The following KIF1B variants were observed in gnomAD, a reference collection of about 807,000 sequenced individuals.
KIF1B encodes the protein kinesin family member 1B, also known as kinesin-like protein KIF1B.
In KIF1B, 76 loss-of-function variants were observed where a neutral mutation model predicts 241.9. That is an observed-to-expected ratio of 0.31 (90% CI 0.26 to 0.38). The LOEUF is 0.38. Ranked by LOEUF, KIF1B falls within the 10% of genes least tolerant of loss-of-function variation. KIF1B has a pLI of 1.00. For missense variants in KIF1B, 1,622 were observed against 2,271.4 expected, an observed-to-expected ratio of 0.71 and a Z score of 5.81; for synonymous variants, 750 against 796.7, an observed-to-expected ratio of 0.94 and a Z score of 0.99.
chr1:10,314,631 A>G (rs1651223672), intron 22 of KIF1B, among the ~76,000 whole-genome samples: 1 of 151,164 alleles, frequency 6.6e-6, no homozygotes, highest in African/African-American at 2.5e-5. Context: ...TGTTGCCCGG[A>G]CTGGTCTCAA....
chr1:10,346,235 A>G (rs1324348935), intron 35 of KIF1B, among the ~76,000 whole-genome samples: 6 of 151,872 alleles, frequency 4.0e-5, no homozygotes, highest in Non-Finnish European at 7.4e-5. Flanking sequence ...TTTTGAATTG[A>G]TTTTTGGTGG....
chr1:10,251,207 T>C (rs1212483147), intron 2 of KIF1B, among the ~76,000 whole-genome samples: 1 of 151,900 alleles, frequency 6.6e-6, no homozygotes, highest in Non-Finnish European at 1.5e-5. Context: ...GTTTTGAAGA[T>C]ATAAGTTAGG....
chr1:10,304,452 A>G, intron 22 of KIF1B: 10 of 1,611,476 alleles, frequency 6.2e-6, no homozygotes, highest in Non-Finnish European at 8.5e-6. Flanking sequence ...CTTTCCAGGC[A>G]AAGCGCCATA....
chr1:10,300,497 A>G (rs189618866), intron 22 of KIF1B, among the ~76,000 whole-genome samples: 65 of 152,098 alleles, frequency 4.3e-4, no homozygotes, highest in Non-Finnish European at 6.9e-4. Context: ...AGACTTATTT[A>G]TATTTTATTT....
intron 38 of KIF1B, among the ~76,000 whole-genome samples, chr1:10,358,951 A>G (rs971856055): frequency 3.3e-5 from 5 of 152,084 alleles, no homozygotes; most frequent in Non-Finnish European, 7.4e-5. Flanking sequence ...TTGTTTCTCT[A>G]TCTTCTGTGT....
rs761886559 is a variant in KIF1B at position 10,261,952 on chromosome 1, A to C, written c.411A>C (p.Glu137Asp). The C allele has an allele frequency of 2.5e-6, 4 of 1,611,152 alleles. No individual in the cohort carries two copies. The South Asian group carries it at 3.3e-5, about 13-fold the overall frequency. Residue 137 changes from glutamate to aspartate, a missense_variant, in exon 5 of 49, where the codon GAA becomes GAC. This residue lies in a region of KIF1B where 156 missense variants were observed against 244.8 expected (regional missense o/e 0.64). Transcript: ENST00000676179. Reference sequence around the variant, plus strand: ...AAATCAATGACAACTGTAATGAAGAAATGTCTTACTCTGTAGAGGTGAGTA... The same window carrying C: ...AAATCAATGACAACTGTAATGAAGACATGTCTTACTCTGTAGAGGTGAGTA... ...FEKINDNCNE[E>D]MSYSVEVSYM... is the part of the protein sequence containing the mutation.
chr1:10,321,644 A>G, intron 23 of KIF1B, 65 bp from the exon 24 acceptor site: 1 of 1,518,288 alleles, frequency 6.6e-7, no homozygotes, highest in South Asian at 1.1e-5. Context: ...GATAAGCTAG[A>G]AGAGAGGTGT....
At chr1:10,279,787 CTT>C (rs1649316044) in intron 14 of KIF1B, among the ~76,000 whole-genome samples, 1 of 135,522 alleles carries the variant, frequency 7.4e-6, no homozygotes, top group Non-Finnish European at 1.5e-5. Flanking sequence ...ACCTTGAACT[CTT>C]GGGCTCAAGT....
At chr1:10,214,145 T>G in intron 1 of KIF1B, among the ~76,000 whole-genome samples, 1 of 152,156 alleles carries the variant, frequency 6.6e-6, no homozygotes, top group Non-Finnish European at 1.5e-5. Flanking sequence ...TGCCTTGGAC[T>G]TCTCAGAGTT....
At chr1:10,312,601 A>G (rs543569760) in intron 22 of KIF1B, among the ~76,000 whole-genome samples, 1 of 151,336 alleles carries the variant, frequency 6.6e-6, no homozygotes, top group East Asian at 1.9e-4. Context: ...CATCCACACA[A>G]GTTTTCTTGC....
chr1:10,244,315 C>CTTTTT (rs571243520), intron 2 of KIF1B, among the ~76,000 whole-genome samples: 18 of 127,522 alleles, frequency 1.4e-4, no homozygotes, highest in South Asian at 2.5e-4. Context: ...TTTTTCTTTT[C>CTTTTT]TTTTTTTTTT....
chr1:10,375,241 C>G lies in KIF1B; in HGVS notation c.5290-14C>G. 2 of 1,603,680 alleles carry G rather than the reference C, an allele frequency of 1.2e-6. No homozygotes were observed. The highest frequency in any genetic ancestry group is 1.7e-6 in the Non-Finnish European group (2 of 1,171,150). On this transcript the variant is annotated splice_polypyrimidine_tract_variant and intron_variant, in intron 47 of 48. Coordinates refer to ENST00000676179, the MANE Select transcript of KIF1B (RefSeq NM_001365951.3). ...CTGTAGTAACTTTCTTGTCTACCTGCATTTTTCTTTCAGACACCAAACACC... is the reference window on the plus strand; with the variant it reads ...CTGTAGTAACTTTCTTGTCTACCTGGATTTTTCTTTCAGACACCAAACACC...
rs141727426 is a variant in KIF1B, at chr1:10,315,739, C to A, written c.2116-4304C>A. 2.2e-3 allele frequency among the ~76,000 whole-genome samples: 335 copies of A among 151,366 alleles called. 11 individuals carry two copies. The highest frequency in any genetic ancestry group is 7.9e-3 in the African/African-American group (321 of 40,766). ...CTGATTATTTCCTCAGTATTAGATT[C>A]AAGTTAAATCTTTTTGTTAAGAATG... is the stretch of plus-strand genomic sequence containing the variant. On this transcript the variant is annotated intron_variant, in intron 22 of 48. Coordinates refer to ENST00000676179, the MANE Select transcript of KIF1B (RefSeq NM_001365951.3).
chr1:10,225,092 CCACCGCT>C (rs1451763746), intron 1 of KIF1B, among the ~76,000 whole-genome samples: 2 of 152,138 alleles, frequency 1.3e-5, no homozygotes, highest in African/African-American at 4.8e-5. Context: ...GCTCACTTGC[CCACCGCT>C]CACCTCCTGC....
chr1:10,239,248 T>C (rs1167249129), intron 2 of KIF1B, among the ~76,000 whole-genome samples: 2 of 152,212 alleles, frequency 1.3e-5, no homozygotes, highest in Non-Finnish European at 2.9e-5. Context: ...TTATTTCCAA[T>C]GTCACCACGC....
intron 1 of KIF1B, among the ~76,000 whole-genome samples, chr1:10,219,409 G>A (rs544857796): frequency 6.6e-6 from 1 of 151,916 alleles, no homozygotes; most frequent in African/African-American, 2.4e-5. Context: ...GCAGTGAGCC[G>A]AGATCATGCC....
At chr1:10,291,924 G>T in intron 16 of KIF1B, 123 bp from the exon 17 acceptor site, 2 of 766,894 alleles carry the variant, frequency 2.6e-6, no homozygotes, top group Non-Finnish European at 4.7e-6. Flanking sequence ...TTTTATGTTT[G>T]CATTATTGGC....
At position 10,279,674 on chromosome 1, in the gene KIF1B, G is replaced by A. The variant is rs77373887; in HGVS notation, c.1222+536G>A. Among the ~76,000 whole-genome samples, 12 of 137,004 alleles carry A rather than the reference G, an allele frequency of 8.8e-5. No individual in the cohort carries two copies. In the East Asian group the frequency reaches 2.9e-3, roughly 33 times the overall value. 89.9% of individuals were successfully genotyped at this position (137,004 alleles called of 152,430 possible). A position where few individuals can be genotyped will look rare whatever the true frequency, so the allele number is the denominator to read the frequency against. ...CATAACTTGGGCCTCGGAATGATTA[G>A]ATAAACGTTTTTTCCTTTTTTTTTT... On this transcript the variant is annotated intron_variant, in intron 14 of 48. Coordinates refer to ENST00000676179, the MANE Select transcript of KIF1B (RefSeq NM_001365951.3).
chr1:10,342,314 A>C lies in KIF1B; in HGVS notation c.3632+146A>C, dbSNP rs1557725671. ...CTGTTTCCTCTTTAGAAACTTCACT[A>C]TCATCTTATAGCCACCTAATCACTG... On this transcript the variant is annotated intron_variant, in intron 33 of 48. Transcript: ENST00000676179. The C allele has an allele frequency of 7.2e-6, 5 of 695,334 alleles. No homozygotes were observed. In the South Asian group the frequency reaches 8.1e-5, roughly 11 times the overall value. The allele number at this position is 695,334 out of a possible 1,614,324, so 43.1% of individuals were successfully genotyped here.
Sources: allele counts gnomAD v4.1 joint callset (sites outside exome capture counted in the v4.1 genomes callset), GRCh38; gene constraint gnomAD v4.1.1; regional missense constraint gnomAD v4.1.1; transcripts MANE v1.5; gene names NCBI Gene and HGNC (gene_info 2026-07-23, HGNC 2026-07-21).